The following ERC2 variants were observed in gnomAD, a reference collection of about 807,000 sequenced individuals.
ERC2 encodes ELKS/RAB6-interacting/CAST family member 2, also known as ERC protein 2.
ERC2 carries 42 observed loss-of-function variants against 114.8 expected under a neutral mutation model. The observed-to-expected ratio is 0.37, with a 90% CI of 0.29 to 0.47. The LOEUF (loss-of-function observed/expected upper bound fraction) is 0.47, where lower values mean the gene tolerates loss of function less well. Among genes scored for constraint, ERC2 ranks in the 20% least tolerant of loss-of-function variants. ERC2 has a pLI of 0.99. For synonymous variants in ERC2, 454 were observed against 425.5 expected (o/e 1.07, Z -0.82); for missense variants, 939 against 1,150.7 (o/e 0.82, Z 2.66).
At chr3:55,678,587 C>A (rs1387730170) in intron 17 of ERC2, among the ~76,000 whole-genome samples, 1 of 152,114 alleles carries the variant, frequency 6.6e-6, no homozygotes, top group African/African-American at 2.4e-5. Flanking sequence ...GAGGAGCCAC[C>A]CACTCTTGAA....
intron 16 of ERC2, among the ~76,000 whole-genome samples, chr3:55,686,590 C>T (rs957887669): frequency 2.6e-5 from 4 of 152,202 alleles, no homozygotes; most frequent in Non-Finnish European, 5.9e-5. Context: ...TTAATTTGTT[C>T]AGCAACCTTA....
intron 8 of ERC2, among the ~76,000 whole-genome samples, chr3:56,017,800 T>G (rs2073410187): frequency 6.6e-6 from 1 of 152,100 alleles, no homozygotes; most frequent in Non-Finnish European, 1.5e-5. Flanking sequence ...TAAACTCCAT[T>G]AGAGCCAGGA....
chr3:56,284,047 A>G (rs577394932), intron 3 of ERC2, among the ~76,000 whole-genome samples: 1 of 152,352 alleles, frequency 6.6e-6, no homozygotes, highest in Non-Finnish European at 1.5e-5. Context: ...ACTAATTCAC[A>G]CTGGCAGTTG....
chr3:55,537,489 A>C lies in ERC2; in HGVS notation c.*40-26213T>G, dbSNP rs11130477. On this transcript the variant is annotated intron_variant, in intron 17 of 17. Transcript: ENST00000288221. ...ATAGTCAGCTAGCTGATTTCTTTGG[A>C]TCCTAGCTTACCCATCTGTGAAGTG... Among the ~76,000 whole-genome samples the C allele has an allele frequency of 2.0e-4, 31 of 152,172 alleles. 1 individual carries two copies. The South Asian group carries it at 5.8e-3, about 29-fold the overall frequency.
intron 17 of ERC2, among the ~76,000 whole-genome samples, chr3:55,584,777 C>T (rs924459386): frequency 1.3e-5 from 2 of 152,136 alleles, no homozygotes; most frequent in African/African-American, 2.4e-5. Context: ...TGGCACCTCC[C>T]GAACTGAGAA....
At chr3:56,408,777 C>T (rs1328391795) in intron 2 of ERC2, among the ~76,000 whole-genome samples, 1 of 152,204 alleles carries the variant, frequency 6.6e-6, no homozygotes. Flanking sequence ...AGAAGGGCTC[C>T]CCGAGTGGGT....
intron 17 of ERC2, among the ~76,000 whole-genome samples, chr3:55,586,003 A>G (rs1221677564): frequency 6.6e-6 from 1 of 152,202 alleles, no homozygotes; most frequent in African/African-American, 2.4e-5. Flanking sequence ...AGGCTCCAGG[A>G]AGCTCTGGAA....
At chr3:55,596,801 C>A (rs1040061798) in intron 17 of ERC2, among the ~76,000 whole-genome samples, 3 of 152,116 alleles carry the variant, frequency 2.0e-5, no homozygotes, top group African/African-American at 7.2e-5. Context: ...TAGATGATGA[C>A]ATTTTATACA....
intron 17 of ERC2, among the ~76,000 whole-genome samples, chr3:55,610,060 C>CAAAAAAAAA (rs1172154104): frequency 2.6e-4 from 13 of 50,424 alleles, no homozygotes; most frequent in East Asian, 6.5e-4. Flanking sequence ...CAAACAAACA[C>CAAAAAAAAA]AAACAAAAAA....
chr3:55,957,340 C>T (rs763018659), intron 12 of ERC2, among the ~76,000 whole-genome samples: 15 of 152,182 alleles, frequency 9.9e-5, no homozygotes, highest in African/African-American at 2.7e-4. Context: ...CTTATTGCAG[C>T]GGCATCCCTT....
chr3:55,568,891 C>T (rs942414646), intron 17 of ERC2, among the ~76,000 whole-genome samples: 52 of 152,262 alleles, frequency 3.4e-4, no homozygotes, highest in Middle Eastern at 3.4e-3. Flanking sequence ...TACCTATCCT[C>T]GCTCCACTCA....
chr3:55,529,184 T>TC (rs1421840616), intron 17 of ERC2, among the ~76,000 whole-genome samples: 2 of 152,168 alleles, frequency 1.3e-5, no homozygotes, highest in Admixed American at 1.3e-4. Context: ...ATTCTTTTTT[T>TC]CTCTCCAAAT....
At chr3:55,927,260 A>G (rs1264180954) in intron 13 of ERC2, among the ~76,000 whole-genome samples, 3 of 152,210 alleles carry the variant, frequency 2.0e-5, no homozygotes, top group Admixed American at 2.0e-4. Context: ...GAGACTGATC[A>G]TGAAATGGCA....
chr3:55,986,084 T>C, intron 11 of ERC2, 96 bp from the exon 12 acceptor site: 1 of 1,168,984 alleles, frequency 8.6e-7, no homozygotes, highest in Non-Finnish European at 1.2e-6. Context: ...GCATTAGTTT[T>C]AAACATATAG....
At chr3:55,518,148 A>G (rs1249450636) in intron 17 of ERC2, among the ~76,000 whole-genome samples, 1 of 152,030 alleles carries the variant, frequency 6.6e-6, no homozygotes, top group African/African-American at 2.4e-5. Flanking sequence ...ATGGCCAAAT[A>G]TCCCTGGGAG....
chr3:56,213,349 C>T (rs556730754), intron 3 of ERC2, among the ~76,000 whole-genome samples: 6 of 152,278 alleles, frequency 3.9e-5, no homozygotes, highest in East Asian at 1.9e-4. Flanking sequence ...TCTTAGCAAA[C>T]GGCACACCAG....
chr3:55,819,064 C>A (rs915367427), intron 14 of ERC2, among the ~76,000 whole-genome samples: 4 of 152,204 alleles, frequency 2.6e-5, no homozygotes, highest in African/African-American at 9.7e-5. Context: ...AATGGTCCTT[C>A]TCTGCTGGGC....
intron 6 of ERC2, among the ~76,000 whole-genome samples, chr3:56,099,818 C>A (rs973423534): frequency 3.3e-5 from 5 of 152,188 alleles, no homozygotes; most frequent in African/African-American, 1.2e-4. Flanking sequence ...GAGGTCTAAA[C>A]TCCCTTTCAT....
chr3:55,806,129 G>A (rs548365989), intron 14 of ERC2, among the ~76,000 whole-genome samples: 1 of 152,188 alleles, frequency 6.6e-6, no homozygotes, highest in South Asian at 2.1e-4. Context: ...GAGGTCAGGA[G>A]TTCGACACCA....
Sources: gnomAD v4.1 joint callset for allele counts (sites outside exome capture counted in the v4.1 genomes callset) on GRCh38, gnomAD v4.1.1 for gene constraint, MANE v1.5 for transcripts, NCBI Gene and HGNC (gene_info 2026-07-23, HGNC 2026-07-21) for gene names.